The following PKHD1 variants were observed in gnomAD, a reference collection of about 807,000 sequenced individuals.
PKHD1 encodes PKHD1 ciliary IPT domain containing fibrocystin/polyductin, also known as fibrocystin.
PKHD1 carries 291 observed loss-of-function variants against 412.0 expected under a neutral mutation model. The observed-to-expected ratio is 0.71, with a 90% CI of 0.64 to 0.78. The LOEUF (loss-of-function observed/expected upper bound fraction) is 0.78. Ranked by LOEUF, PKHD1 falls within the 30% of genes least tolerant of loss-of-function variation. The pLI is 0.00. For synonymous variants in PKHD1, 1,777 were observed against 1,821.5 expected, an observed-to-expected ratio of 0.98 and a Z score of 0.62; for missense variants, 4,825 against 4,950.7, an observed-to-expected ratio of 0.97 and a Z score of 0.76.
intron 39 of PKHD1, among the ~76,000 whole-genome samples, chr6:51,910,158 C>T (rs1170361537): frequency 1.3e-5 from 2 of 152,094 alleles, no homozygotes; most frequent in Non-Finnish European, 2.9e-5. Context: ...CTGGACCTAA[C>T]ACACACAACT....
At chr6:51,697,687 G>C (rs992398752) in intron 60 of PKHD1, among the ~76,000 whole-genome samples, 1 of 152,206 alleles carries the variant, frequency 6.6e-6, no homozygotes, top group African/African-American at 2.4e-5. Flanking sequence ...GTGCTACAGA[G>C]GGATTCTTCA....
intron 52 of PKHD1, among the ~76,000 whole-genome samples, chr6:51,807,176 G>A (rs115803304): frequency 0.056 from 7,913 of 141,004 alleles, 204 homozygotes; most frequent in South Asian, 0.094. Context: ...GCCTGTAATC[G>A]AAGCACTTTG....
intron 57 of PKHD1, among the ~76,000 whole-genome samples, chr6:51,751,378 T>C (rs1210224692): frequency 6.6e-6 from 1 of 152,196 alleles, no homozygotes; most frequent in Non-Finnish European, 1.5e-5. Context: ...AAACCTGAAT[T>C]GAATTCTGGA....
intron 35 of PKHD1, among the ~76,000 whole-genome samples, chr6:51,976,140 G>T: frequency 6.6e-6 from 1 of 152,082 alleles, no homozygotes; most frequent in East Asian, 1.9e-4. Flanking sequence ...GCAATTCTGA[G>T]TATATGCTCA....
chr6:51,766,395 T>C (rs985976731), intron 55 of PKHD1, among the ~76,000 whole-genome samples: 2 of 152,120 alleles, frequency 1.3e-5, no homozygotes, highest in Non-Finnish European at 2.9e-5. Flanking sequence ...TAAGATTAAT[T>C]CCCATGTGAA....
intron 54 of PKHD1, among the ~76,000 whole-genome samples, chr6:51,774,434 G>C (rs1562281768): frequency 6.6e-6 from 1 of 151,956 alleles, no homozygotes; most frequent in Admixed American, 6.6e-5. Flanking sequence ...TTGTTCCAGT[G>C]TTATCACGCT....
intron 64 of PKHD1, 123 bp downstream of exon 64, chr6:51,638,726 T>C (rs928266950): frequency 4.1e-6 from 3 of 724,736 alleles, no homozygotes; most frequent in Admixed American, 2.3e-5. Context: ...AGTGAATTTA[T>C]TTTCTAAACT....
At chr6:51,927,307 G>A (rs1220452010) in intron 37 of PKHD1, among the ~76,000 whole-genome samples, 5 of 152,104 alleles carry the variant, frequency 3.3e-5, no homozygotes, top group Non-Finnish European at 7.3e-5. Flanking sequence ...CTACCAGGAG[G>A]ACACATGCAT....
rs1802642729 is a variant in PKHD1 at position 52,028,993 on chromosome 6, CTTT to C, written c.3365-645_3365-643del. 2.6e-5 allele frequency among the ~76,000 whole-genome samples: 4 copies of C among 152,374 alleles called. No homozygotes were observed. In the South Asian group the frequency reaches 8.3e-4, roughly 32 times the overall value. ...CCACATATTGGTTGCTTAACCTCCACTTTTCTACTGGTAGAAGTCTGAAGCTAT... is the reference window on the plus strand; with the variant it reads ...CCACATATTGGTTGCTTAACCTCCACTCTACTGGTAGAAGTCTGAAGCTAT... On this transcript the variant is annotated intron_variant, in intron 29 of 66. Transcript: ENST00000371117.
At chr6:52,070,929 A>G in intron 9 of PKHD1, 77 bp downstream of exon 9, 5 of 863,602 alleles carry the variant, frequency 5.8e-6, no homozygotes, top group Non-Finnish European at 6.1e-6. Flanking sequence ...ATGAGAACCA[A>G]TCTTGCAATT....
intron 57 of PKHD1, among the ~76,000 whole-genome samples, chr6:51,752,077 G>A (rs1786199310): frequency 6.6e-6 from 1 of 152,114 alleles, no homozygotes; most frequent in Non-Finnish European, 1.5e-5. Flanking sequence ...AGCTTGCCCT[G>A]TGGCTTCAGT....
rs754511945 is a variant in PKHD1 at position 51,744,453 on chromosome 6, C to G, written c.10088G>C (p.Gly3363Ala). 1 of 1,612,410 alleles carries G rather than the reference C, an allele frequency of 6.2e-7. No homozygotes were observed. The highest frequency in any genetic ancestry group is 8.5e-7 in the Non-Finnish European group (1 of 1,178,450). ...LFKDLDGRAL[G>A]LPPPVSVFPK... ...AAATACAGAAACTGGTGGAGGCAGACCCAGGGCTCTCCCATCCAGATCCTT... is the reference window on the plus strand; with the variant it reads ...AAATACAGAAACTGGTGGAGGCAGAGCCAGGGCTCTCCCATCCAGATCCTT... Residue 3363 changes from glycine to alanine, a missense_variant, in exon 60 of 67, where the codon GGT becomes GCT. Physicochemically the swap from Gly to Ala is moderately conservative, Grantham distance 60. Coordinates refer to ENST00000371117, the MANE Select transcript of PKHD1 (RefSeq NM_138694.4).
chr6:52,063,159 G>C (rs1183634016), intron 13 of PKHD1, among the ~76,000 whole-genome samples: 1 of 152,180 alleles, frequency 6.6e-6, no homozygotes, highest in Non-Finnish European at 1.5e-5. Context: ...CCTGCACACA[G>C]AGCCAAATAT....
At chr6:51,727,839 G>A (rs1199428116) in intron 60 of PKHD1, among the ~76,000 whole-genome samples, 3 of 152,208 alleles carry the variant, frequency 2.0e-5, no homozygotes, top group East Asian at 3.9e-4. Context: ...GGCACCATCT[G>A]CCAATCTGTC....
At chr6:51,725,518 G>T (rs1782466193) in intron 60 of PKHD1, among the ~76,000 whole-genome samples, 1 of 152,100 alleles carries the variant, frequency 6.6e-6, no homozygotes, top group Non-Finnish European at 1.5e-5. Context: ...CAAAGAAGAA[G>T]GAAAGGAAAC....
intron 60 of PKHD1, among the ~76,000 whole-genome samples, chr6:51,681,302 C>T (rs1185158588): frequency 6.6e-6 from 1 of 151,992 alleles, no homozygotes; most frequent in African/African-American, 2.4e-5. Context: ...AGATTTAATG[C>T]TGTGAATAAC....
At chr6:51,843,445 T>C (rs1181145154) in intron 50 of PKHD1, among the ~76,000 whole-genome samples, 1 of 151,944 alleles carries the variant, frequency 6.6e-6, no homozygotes, top group Non-Finnish European at 1.5e-5. Context: ...TTAATGTAAC[T>C]AAAAAATAAA....
intron 17 of PKHD1, 39 bp from the exon 18 acceptor site, chr6:52,056,827 G>C (rs750389170): frequency 1.9e-6 from 3 of 1,582,622 alleles, no homozygotes; most frequent in East Asian, 4.5e-5. Context: ...TTTATATCAT[G>C]AGCATAAAGA....
intron 60 of PKHD1, among the ~76,000 whole-genome samples, chr6:51,710,411 A>G (rs1780522590): frequency 6.6e-6 from 1 of 152,118 alleles, no homozygotes; most frequent in African/African-American, 2.4e-5. Context: ...TAAACATAAA[A>G]TATCATATTT....
Sources: gnomAD v4.1 joint callset for allele counts (sites outside exome capture counted in the v4.1 genomes callset) on GRCh38, gnomAD v4.1.1 for gene constraint, MANE v1.5 for transcripts, NCBI Gene and HGNC (gene_info 2026-07-23, HGNC 2026-07-21) for gene names.